Variants in NOS1AP observed in about 807,000 individuals in gnomAD.
The protein encoded by NOS1AP is carboxyl-terminal PDZ ligand of neuronal nitric oxide synthase protein.
NOS1AP carries 21 observed loss-of-function variants against 56.2 expected under a neutral mutation model. The observed-to-expected ratio is 0.37, with a 90% confidence interval of 0.26 to 0.54. The LOEUF is 0.54. Ranked by LOEUF, NOS1AP falls within the 20% of genes least tolerant of loss-of-function variation. The pLI, the probability that NOS1AP is intolerant of heterozygous loss-of-function variation, is 0.84. For missense variants in NOS1AP, 522 were observed against 657.8 expected (o/e 0.79, Z 2.26); for synonymous variants, 270 against 274.6 (o/e 0.98, Z 0.17).
At chr1:162,167,028 C>T (rs2102121785) in intron 2 of NOS1AP, among the ~76,000 whole-genome samples, 1 of 152,312 alleles carries the variant, frequency 6.6e-6, no homozygotes, top group African/African-American at 2.4e-5. Flanking sequence ...CTGTTCACCA[C>T]CCAGCCCTTT....
At chr1:162,080,133 ATTAATACC>A (rs1691852416) in intron 1 of NOS1AP, among the ~76,000 whole-genome samples, 1 of 152,236 alleles carries the variant, frequency 6.6e-6, no homozygotes, top group Non-Finnish European at 1.5e-5. Context: ...CATGGGATTA[ATTAATACC>A]TTGTGATGCT....
At chr1:162,326,884 A>G (rs1656607228) in intron 4 of NOS1AP, among the ~76,000 whole-genome samples, 1 of 152,236 alleles carries the variant, frequency 6.6e-6, no homozygotes, top group African/African-American at 2.4e-5. Context: ...AAGAGGGAAT[A>G]AAGGATGAGA....
chr1:162,230,853 G>A (rs1482216544), intron 2 of NOS1AP, among the ~76,000 whole-genome samples: 1 of 152,130 alleles, frequency 6.6e-6, no homozygotes, highest in Admixed American at 6.5e-5. Flanking sequence ...ATATTTCATT[G>A]TATGTAGGTA....
intron 1 of NOS1AP, among the ~76,000 whole-genome samples, chr1:162,142,864 AT>A (rs2102077239): frequency 6.6e-6 from 1 of 152,318 alleles, no homozygotes; most frequent in African/African-American, 2.4e-5. Flanking sequence ...AGCGTGGAAT[AT>A]ATTTTAGAGA....
At chr1:162,075,585 G>T (rs991696435) in intron 1 of NOS1AP, among the ~76,000 whole-genome samples, 1 of 152,328 alleles carries the variant, frequency 6.6e-6, no homozygotes, top group East Asian at 1.9e-4. Flanking sequence ...TATACACTGG[G>T]TGTTTATGTC....
At chr1:162,162,497 G>A (rs1650268322) in intron 2 of NOS1AP, among the ~76,000 whole-genome samples, 1 of 152,128 alleles carries the variant, frequency 6.6e-6, no homozygotes, top group Non-Finnish European at 1.5e-5. Context: ...GATTTGTTGG[G>A]ACTGTACCAT....
chr1:162,306,197 A>G (rs534769134), intron 4 of NOS1AP, among the ~76,000 whole-genome samples: 3 of 152,196 alleles, frequency 2.0e-5, no homozygotes, highest in Non-Finnish European at 4.4e-5. Flanking sequence ...TTAGAACTGC[A>G]AAGGGGACAG....
chr1:162,233,091 A>G (rs796209740), intron 2 of NOS1AP, among the ~76,000 whole-genome samples: 4 of 152,330 alleles, frequency 2.6e-5, no homozygotes, highest in African/African-American at 9.6e-5. Context: ...ATTAAAACAC[A>G]GGTTGCTGGG....
intron 2 of NOS1AP, among the ~76,000 whole-genome samples, chr1:162,177,094 G>T (rs1056905136): frequency 8.5e-5 from 13 of 152,104 alleles, no homozygotes; most frequent in African/African-American, 2.9e-4. Flanking sequence ...CCCATATACT[G>T]ACCTGTTTTC....
chr1:162,108,595 A>G (rs1284608763), intron 1 of NOS1AP, among the ~76,000 whole-genome samples: 2 of 152,206 alleles, frequency 1.3e-5, no homozygotes, highest in Non-Finnish European at 2.9e-5. Context: ...TCACATCATT[A>G]TTATTTTGTA....
chr1:162,228,044 A>G (rs77418963), intron 2 of NOS1AP, among the ~76,000 whole-genome samples: 7,809 of 152,290 alleles, frequency 0.051, 284 homozygotes, highest in African/African-American at 0.1. Context: ...AATGAAAAAT[A>G]TAGGACTGAG....
chr1:162,230,222 G>A (rs1246798724), intron 2 of NOS1AP, among the ~76,000 whole-genome samples: 2 of 152,116 alleles, frequency 1.3e-5, no homozygotes, highest in African/African-American at 2.4e-5. Flanking sequence ...CCACTGGGGC[G>A]CCAGCAAAAC....
At chr1:162,106,000 G>A (rs915179722) in intron 1 of NOS1AP, among the ~76,000 whole-genome samples, 16 of 152,166 alleles carry the variant, frequency 1.1e-4, no homozygotes, top group South Asian at 4.1e-4. Flanking sequence ...CATGGATGCC[G>A]GGGCCAGAGT....
At chr1:162,092,552 C>T (rs1571003223) in intron 1 of NOS1AP, among the ~76,000 whole-genome samples, 1 of 152,266 alleles carries the variant, frequency 6.6e-6, no homozygotes, top group East Asian at 1.9e-4. Flanking sequence ...TTTTATTTAT[C>T]TCAGTGCTTA....
At chr1:162,208,448 C>A (rs550754728) in intron 2 of NOS1AP, among the ~76,000 whole-genome samples, 9 of 151,914 alleles carry the variant, frequency 5.9e-5, no homozygotes, top group East Asian at 1.9e-4. Flanking sequence ...TGGATGAATT[C>A]TAGTTCATTT....
intron 1 of NOS1AP, among the ~76,000 whole-genome samples, chr1:162,091,853 A>G (rs1430070574): frequency 6.6e-6 from 1 of 152,114 alleles, no homozygotes; most frequent in Non-Finnish European, 1.5e-5. Flanking sequence ...TGATCTGTCA[A>G]CCACTACGTG....
At chr1:162,087,371 G>A (rs1395517110) in intron 1 of NOS1AP, among the ~76,000 whole-genome samples, 2 of 152,102 alleles carry the variant, frequency 1.3e-5, no homozygotes, top group Non-Finnish European at 2.9e-5. Flanking sequence ...GAGGGAGGCA[G>A]CCACCTCCCC....
chr1:162,289,338 C>T (rs1293338664), intron 3 of NOS1AP, among the ~76,000 whole-genome samples: 1 of 150,790 alleles, frequency 6.6e-6, no homozygotes, highest in African/African-American at 2.4e-5. Context: ...CATTCTTTTG[C>T]CCAGGCTGGA....
chr1:162,264,473 C>CCCCTCCCCTCCCCTGTCCTA (rs1654351992), intron 2 of NOS1AP, among the ~76,000 whole-genome samples: 1 of 99,934 alleles, frequency 1.0e-5, no homozygotes, highest in Non-Finnish European at 2.0e-5. Flanking sequence ...CTCCTCCCCT[C>CCCCTCCCCTCCCCTGTCCTA]CCCTCCCCTC....
Sources: allele counts gnomAD v4.1 joint callset (sites outside exome capture counted in the v4.1 genomes callset), GRCh38; gene constraint gnomAD v4.1.1; transcripts MANE v1.5; gene names NCBI Gene and HGNC (gene_info 2026-07-23, HGNC 2026-07-21).